Variants in CHST4 observed in about 807,000 individuals in gnomAD.
CHST4 encodes the protein carbohydrate sulfotransferase 4, also known as GST-3.
For missense variants in CHST4, 466 were observed against 506.0 expected, an observed-to-expected ratio of 0.92 and a Z score of 0.76; for synonymous variants, 171 against 195.5, an observed-to-expected ratio of 0.87 and a Z score of 1.05.
At chr16:71,532,556 G>A (rs1258166223) in intron 1 of CHST4, among the ~76,000 whole-genome samples, 1 of 152,148 alleles carries the variant, frequency 6.6e-6, no homozygotes, top group African/African-American at 2.4e-5. Context: ...TTTGGCTTGA[G>A]TCATTACATA....
intron 1 of CHST4, among the ~76,000 whole-genome samples, chr16:71,528,181 T>A (rs1290495306): frequency 2.1e-5 from 3 of 143,970 alleles, no homozygotes; most frequent in Non-Finnish European, 4.5e-5. Flanking sequence ...ACCTGAGGAG[T>A]CGAGGTTGCA....
chr16:71,538,083 C>G lies in CHST4; in HGVS notation c.*245C>G. 1 of 534,316 alleles carries G rather than the reference C, an allele frequency of 1.9e-6. No homozygotes were observed. The highest frequency in any genetic ancestry group is 3.2e-5 in the East Asian group (1 of 31,736). The allele number at this position is 534,316 out of a possible 1,614,324, so 33.1% of individuals were successfully genotyped here. On this transcript the variant is annotated 3_prime_UTR_variant, in exon 2 of 2. Coordinates refer to ENST00000539698, the MANE Select transcript of CHST4 (RefSeq NM_001166395.2). ...AGTGAAACAGGGTATTGCTCTTCTT[C>G]TTTTCTTGATCTTCCTGTCTGGGCA...
intron 1 of CHST4, among the ~76,000 whole-genome samples, chr16:71,530,349 G>A (rs2043938813): frequency 6.6e-6 from 1 of 152,150 alleles, no homozygotes; most frequent in African/African-American, 2.4e-5. Context: ...GGGAGTGACA[G>A]GAAATCAAGA....
intron 1 of CHST4, among the ~76,000 whole-genome samples, chr16:71,529,798 C>T (rs1282615697): frequency 1.3e-5 from 2 of 152,084 alleles, no homozygotes; most frequent in Non-Finnish European, 2.9e-5. Flanking sequence ...GGCACCCATA[C>T]AGGCTTTTAC....
rs769938897 is a variant in CHST4, at chr16:71,537,246, T to C, written c.569T>C (p.Leu190Pro). The change falls in exon 2 of 2, where the codon CTG (leucine) becomes CCG (proline). Residue 190 changes from leucine (L) to proline (P), a missense_variant. Transcript: ENST00000539698. The surrounding 1 kb of genome is among the most constrained non-coding windows in gnomAD (Gnocchi z 4.2). Reference sequence around the variant, plus strand: ...TTCAACCTGCAGTCCCTCTACCCGCTGCTGAAAGACCCCTCCCTCAACCTG... The same window carrying C: ...TTCAACCTGCAGTCCCTCTACCCGCCGCTGAAAGACCCCTCCCTCAACCTG... ...RFFNLQSLYP[L>P]LKDPSLNLHI... 6.2e-7 allele frequency: 1 copy of C among 1,614,164 alleles called. No homozygotes were observed. Among genetic ancestry groups the C allele is most frequent in the Non-Finnish European group, 8.5e-7 (1 of 1,180,022 alleles).
In CHST4 at chr16:71,537,734, G is replaced by A; in HGVS notation, c.1057G>A (p.Ala353Thr). Reference sequence around the variant, plus strand: ...TCGACTTCAGAAAGCCTGTGGCGATGCCATGAATTTGCTGGGCTACCGCCA... The same window carrying A: ...TCGACTTCAGAAAGCCTGTGGCGATACCATGAATTTGCTGGGCTACCGCCA... ...VSRLQKACGDAMNLLGYRHVR... is the reference protein window; with the variant it reads ...VSRLQKACGDTMNLLGYRHVR... The change falls in exon 2 of 2, where the codon GCC (alanine) becomes ACC (threonine). Residue 353 changes from alanine (A) to threonine (T), a missense_variant. Transcript: ENST00000539698. The surrounding 1 kb of genome is among the most constrained non-coding windows in gnomAD (Gnocchi z 4.2). 6.2e-7 allele frequency: 1 copy of A among 1,614,246 alleles called. No individual in the cohort carries two copies.
chr16:71,537,662 A>C lies in CHST4; in HGVS notation c.985A>C (p.Asn329His), dbSNP rs752930824. Reference protein sequence around the residue: ...AFHTNARDALNVSQAWRWSLP... With the variant: ...AFHTNARDALHVSQAWRWSLP... ...CCACACAAATGCCAGGGATGCCCTT[A>C]ATGTCTCCCAGGCTTGGCGCTGGTC... is the stretch of plus-strand genomic sequence containing the variant. The change falls in exon 2 of 2, where the codon AAT becomes CAT. Residue 329 changes from asparagine (N) to histidine (H), a missense_variant. Coordinates refer to ENST00000539698, the MANE Select transcript of CHST4 (RefSeq NM_001166395.2). This position sits in a 1 kb window ranked among gnomAD's most constrained non-coding sequence, Gnocchi z 4.2. 4.3e-5 allele frequency: 70 copies of C among 1,614,066 alleles called. No individual in the cohort carries two copies. Among genetic ancestry groups the C allele is most frequent in the Non-Finnish European group, 5.9e-5 (70 of 1,180,040 alleles).
chr16:71,529,488 G>C (rs1001191405), intron 1 of CHST4, among the ~76,000 whole-genome samples: 3 of 148,616 alleles, frequency 2.0e-5, no homozygotes, highest in African/African-American at 5.0e-5. Context: ...TCTTGAAGGA[G>C]CTCCTTTAGT....
chr16:71,532,950 G>A (rs181068020), intron 1 of CHST4, among the ~76,000 whole-genome samples: 306 of 152,202 alleles, frequency 2.0e-3, no homozygotes, highest in Middle Eastern at 6.8e-3. Context: ...ACTACTTTAC[G>A]AACTGCCCTG....
intron 1 of CHST4, among the ~76,000 whole-genome samples, chr16:71,530,012 G>T (rs78299895): frequency 6.6e-6 from 1 of 152,084 alleles, no homozygotes. Flanking sequence ...GCTGGGCGTG[G>T]CTGTAATCCC....
rs1597038943 is a variant in CHST4 at position 71,536,834 on chromosome 16, T to G, written c.157T>G (p.Ser53Ala). The G allele has an allele frequency of 6.5e-7, 1 of 1,542,622 alleles. No homozygotes were observed. Among genetic ancestry groups the G allele is most frequent in the Middle Eastern group, 1.8e-4 (1 of 5,698 alleles). ...MHVLVLSSWR[S>A]GSSFVGQLFG... ...CGTGCTGGTTCTGTCTTCCTGGCGC[T>G]CTGGCTCTTCTTTTGTGGGGCAGCT... The change falls in exon 2 of 2, where the codon TCT becomes GCT. Residue 53 changes from serine to alanine, a missense_variant. By Grantham distance (99) the Ser-to-Ala change is moderately conservative. Transcript: ENST00000539698.
At chr16:71,528,002 G>A (rs1026853926) in intron 1 of CHST4, among the ~76,000 whole-genome samples, 9 of 152,166 alleles carry the variant, frequency 5.9e-5, no homozygotes, top group Admixed American at 6.5e-5. Context: ...AAGACCCCTG[G>A]CTGGGCACAG....
intron 1 of CHST4, among the ~76,000 whole-genome samples, chr16:71,529,543 A>ATT (rs1157747412): frequency 0.11 from 4,538 of 41,406 alleles, 1,527 homozygotes; most frequent in South Asian, 0.17. Flanking sequence ...ATGCTCATCT[A>ATT]TTTTTTTTTT....
At chr16:71,533,446 A>C (rs1430044417) in intron 1 of CHST4, among the ~76,000 whole-genome samples, 1 of 149,782 alleles carries the variant, frequency 6.7e-6, no homozygotes, top group African/African-American at 2.5e-5. Context: ...AAAAAACAAA[A>C]AAAAAAACGT....
At chr16:71,533,076 A>G (rs1408476378) in intron 1 of CHST4, among the ~76,000 whole-genome samples, 1 of 152,110 alleles carries the variant, frequency 6.6e-6, no homozygotes, top group East Asian at 1.9e-4. Context: ...TTAAGAACAC[A>G]TACACATTTG....
intron 1 of CHST4, among the ~76,000 whole-genome samples, chr16:71,527,055 A>G (rs2145199667): frequency 6.6e-6 from 1 of 152,322 alleles, no homozygotes; most frequent in Admixed American, 6.5e-5. Flanking sequence ...GAAATGTCTC[A>G]TCACTGTCTA....
chr16:71,537,616 G>A lies in CHST4; in HGVS notation c.939G>A (p.Lys313=), dbSNP rs780017732. 2 of 1,614,158 alleles carry A rather than the reference G, an allele frequency of 1.2e-6. No homozygotes were observed. The highest frequency in any genetic ancestry group is 3.3e-5 in the Admixed American group (2 of 60,024). Residue 313 remains lysine, a synonymous_variant, in exon 2 of 2, where the codon AAG becomes AAA. Transcript: ENST00000539698. The surrounding 1 kb of genome is among the most constrained non-coding windows in gnomAD (Gnocchi z 4.2). ...QTWVHNITRG[K]GMGDHAFHTN... ...GGGTGCATAACATCACCCGAGGCAA[G>A]GGCATGGGTGACCACGCTTTCCACA... is the stretch of plus-strand genomic sequence containing the variant.
rs1056260077 is a variant in CHST4, at chr16:71,526,499, A to C, written c.-19+4A>C. On this transcript the variant is annotated splice_donor_region_variant and intron_variant, in intron 1 of 1. Transcript: ENST00000539698. ...GCAGGGAAGCCCAAGCCACAAGGTA[A>C]GAAGAGAATTTCTGTGTACGACTCC... 6.6e-6 allele frequency: 1 copy of C among 152,362 alleles called. No homozygotes were observed. The highest frequency in any genetic ancestry group is 2.4e-5 in the African/African-American group (1 of 41,454). The allele number at this position is 152,362 out of a possible 1,614,324, so 9.4% of individuals were successfully genotyped here. A position where few individuals can be genotyped will look rare whatever the true frequency, so the allele number is the denominator to read the frequency against.
chr16:71,529,347 A>G (rs1382270765), intron 1 of CHST4, among the ~76,000 whole-genome samples: 1 of 151,886 alleles, frequency 6.6e-6, no homozygotes, highest in Non-Finnish European at 1.5e-5. Context: ...TGACTTTATT[A>G]GTAGCTTGGT....
Sources: allele counts gnomAD v4.1 joint callset (sites outside exome capture counted in the v4.1 genomes callset), GRCh38; gene constraint gnomAD v4.1.1; non-coding constraint Gnocchi (gnomAD v3.1); transcripts MANE v1.5; gene names NCBI Gene and HGNC (gene_info 2026-07-23, HGNC 2026-07-21).